The following PLEKHA2 variants were observed in gnomAD, a reference collection of about 807,000 sequenced individuals.
PLEKHA2 encodes pleckstrin homology domain containing A2.
In PLEKHA2, 28 loss-of-function variants were observed where a neutral mutation model predicts 53.2. The ratio of observed to expected loss-of-function variants is 0.53; its 90% CI spans 0.39 to 0.72. The LOEUF is 0.72. Among genes scored for constraint, PLEKHA2 ranks in the 30% least tolerant of loss-of-function variants. PLEKHA2 has a pLI of 0.00. For missense variants in PLEKHA2, 426 were observed against 537.9 expected (o/e 0.79, Z 2.06); for synonymous variants, 193 against 196.4 (o/e 0.98, Z 0.14).
At chr8:38,948,085 CAAAAAAA>C (rs386412587) in intron 5 of PLEKHA2, among the ~76,000 whole-genome samples, 1 of 119,082 alleles carries the variant, frequency 8.4e-6, no homozygotes, top group Non-Finnish European at 1.7e-5. Flanking sequence ...GACTCCATCT[CAAAAAAA>C]AAAAAAAAAA....
At chr8:38,933,790 A>AAAAAAAAAAAAAAAAAAAAAAGAAAAG (rs71216697) in intron 2 of PLEKHA2, among the ~76,000 whole-genome samples, 2 of 90,662 alleles carry the variant, frequency 2.2e-5, no homozygotes, top group African/African-American at 3.8e-5. Flanking sequence ...AAAAAAAAAA[A>AAAAAAAAAAAAAAAAAAAAAAGAAAAG]AAAAGAAAAG....
intron 3 of PLEKHA2, among the ~76,000 whole-genome samples, chr8:38,939,517 G>C (rs1834560237): frequency 6.6e-6 from 1 of 152,178 alleles, no homozygotes; most frequent in South Asian, 2.1e-4. Context: ...GACCAAAACT[G>C]GATAAACAGA....
In PLEKHA2 at chr8:38,950,882, T is replaced by C. The variant is rs1834822389; in HGVS notation, c.378T>C (p.Thr126=). 2 of 1,613,944 alleles carry C rather than the reference T, an allele frequency of 1.2e-6. No homozygotes were observed. ...VPKGGGLPMT[T]EVLKSLAAPP... ...AAGGTGGGGGCCTACCCATGACCAC[T>C]GAAGTTCTCAAGAGCTTAGCAGCTC... is the stretch of plus-strand genomic sequence containing the variant. The change falls in exon 6 of 12, where the codon ACT becomes ACC. Residue 126 remains threonine (T), a synonymous_variant. Transcript: ENST00000617275.
At chr8:38,953,227 G>T in intron 8 of PLEKHA2, 70 bp from the exon 9 acceptor site, 4 of 1,238,738 alleles carry the variant, frequency 3.2e-6, no homozygotes, top group Non-Finnish European at 4.8e-6. Context: ...AAGGGGTATT[G>T]GTCAGCTGGT....
Position 38,946,013 on chromosome 8 carries a change from G to A in PLEKHA2, c.248-111G>A, listed in dbSNP as rs1834707011. The A allele has an allele frequency of 1.2e-5, 10 of 801,090 alleles. No individual in the cohort carries two copies. In the South Asian group the frequency reaches 1.6e-4, roughly 13 times the overall value. The allele number at this position is 801,090 out of a possible 1,614,324, so 49.6% of individuals were successfully genotyped here. On this transcript the variant is annotated intron_variant, in intron 4 of 11. Transcript: ENST00000617275. ...CATGGGAGATTTCTTGTTCTGCTTT[G>A]TGGAGTTCACTCATCTCACTCCCTC...
intron 10 of PLEKHA2, among the ~76,000 whole-genome samples, chr8:38,966,821 G>T (rs974460920): frequency 2.6e-5 from 4 of 151,942 alleles, no homozygotes; most frequent in Non-Finnish European, 5.9e-5. Flanking sequence ...AATTTAAGGG[G>T]TACAAGTGCG....
intron 6 of PLEKHA2, among the ~76,000 whole-genome samples, chr8:38,951,694 G>A (rs774077398): frequency 2.0e-5 from 3 of 151,208 alleles, no homozygotes; most frequent in African/African-American, 7.3e-5. Context: ...TTGGAGATGG[G>A]GTTTTGCCAT....
At chr8:38,941,160 G>A (rs1012561654) in intron 3 of PLEKHA2, among the ~76,000 whole-genome samples, 2 of 151,470 alleles carry the variant, frequency 1.3e-5, no homozygotes, top group Non-Finnish European at 2.9e-5. Context: ...GGGTTCAAGC[G>A]ATTCTCCTGC....
chr8:38,919,705 C>T (rs531010157), intron 2 of PLEKHA2, among the ~76,000 whole-genome samples: 26 of 152,278 alleles, frequency 1.7e-4, no homozygotes, highest in Admixed American at 1.3e-3. Context: ...AGCATAGATG[C>T]GGAAAACATA....
chr8:38,906,707 A>G (rs1445911790), intron 1 of PLEKHA2, among the ~76,000 whole-genome samples: 1 of 152,086 alleles, frequency 6.6e-6, no homozygotes. Context: ...AGGCTTCCAC[A>G]CTTCCTAAGT....
chr8:38,904,742 G>T (rs1181547597), intron 1 of PLEKHA2, among the ~76,000 whole-genome samples: 1 of 152,170 alleles, frequency 6.6e-6, no homozygotes, highest in Non-Finnish European at 1.5e-5. Context: ...TCCCAGAGTC[G>T]CAGCTTTTTC....
At chr8:38,930,687 G>A (rs1564122690) in intron 2 of PLEKHA2, among the ~76,000 whole-genome samples, 1 of 152,146 alleles carries the variant, frequency 6.6e-6, no homozygotes, top group Non-Finnish European at 1.5e-5. Flanking sequence ...GGCATGACAC[G>A]GGAATCTCCA....
intron 6 of PLEKHA2, among the ~76,000 whole-genome samples, chr8:38,951,848 A>G (rs1834849283): frequency 6.6e-6 from 1 of 152,144 alleles, no homozygotes; most frequent in Non-Finnish European, 1.5e-5. Flanking sequence ...CTGGGACTAC[A>G]CGCCTGGGTA....
chr8:38,937,080 G>C (rs1186329172), intron 3 of PLEKHA2, among the ~76,000 whole-genome samples: 2 of 152,230 alleles, frequency 1.3e-5, no homozygotes, highest in Non-Finnish European at 2.9e-5. Context: ...GACTCTGGAG[G>C]AGAGGCCACC....
At chr8:38,906,811 C>G (rs1474423019) in intron 1 of PLEKHA2, among the ~76,000 whole-genome samples, 1 of 152,152 alleles carries the variant, frequency 6.6e-6, no homozygotes, top group East Asian at 1.9e-4. Flanking sequence ...TGCGAAGGCT[C>G]TGGTTGGCTT....
chr8:38,968,898 CTTTTTT>C (rs761821480), intron 11 of PLEKHA2: 26 of 250,652 alleles, frequency 1.0e-4, no homozygotes, highest in South Asian at 1.8e-4. Flanking sequence ...AATGGAATTT[CTTTTTT>C]TTTTTTTTTT....
intron 1 of PLEKHA2, among the ~76,000 whole-genome samples, chr8:38,911,792 G>A (rs1833958547): frequency 6.6e-6 from 1 of 152,112 alleles, no homozygotes. Context: ...CCTGGGCTAT[G>A]TAGGGAGACC....
At chr8:38,920,864 GATC>G (rs1461749145) in intron 2 of PLEKHA2, among the ~76,000 whole-genome samples, 3 of 151,276 alleles carry the variant, frequency 2.0e-5, no homozygotes, top group African/African-American at 7.3e-5. Flanking sequence ...GCAATGGCGC[GATC>G]TCAGCTCACT....
At chr8:38,927,956 G>C (rs1004405597) in intron 2 of PLEKHA2, among the ~76,000 whole-genome samples, 3 of 151,956 alleles carry the variant, frequency 2.0e-5, no homozygotes, top group African/African-American at 7.3e-5. Flanking sequence ...GAGTGGGGGG[G>C]CAGGTTTAGA....
Sources: gnomAD v4.1 joint callset for allele counts (sites outside exome capture counted in the v4.1 genomes callset) on GRCh38, gnomAD v4.1.1 for gene constraint, MANE v1.5 for transcripts, NCBI Gene and HGNC (gene_info 2026-07-23, HGNC 2026-07-21) for gene names.